Variants in PTDSS1 observed in about 807,000 individuals in gnomAD.
PTDSS1 encodes PSS-1.
PTDSS1 carries 45 observed loss-of-function variants against 70.5 expected under a neutral mutation model. The observed-to-expected ratio is 0.64, with a 90% CI of 0.50 to 0.82. PTDSS1 has a LOEUF of 0.82. Among genes scored for constraint, PTDSS1 ranks in the 40% least tolerant of loss-of-function variants. PTDSS1 has a pLI of 0.00. For synonymous variants in PTDSS1, 188 were observed against 203.8 expected (o/e 0.92, Z 0.66); for missense variants, 417 against 586.1 (o/e 0.71, Z 2.98).
chr8:96,332,372 G>A (rs1811529480), intron 12 of PTDSS1, among the ~76,000 whole-genome samples: 1 of 152,176 alleles, frequency 6.6e-6, no homozygotes, highest in Non-Finnish European at 1.5e-5. Flanking sequence ...GAAACGGTGG[G>A]CCAATGGAGA....
chr8:96,310,166 T>A (rs1586202366), intron 9 of PTDSS1, among the ~76,000 whole-genome samples: 2 of 129,784 alleles, frequency 1.5e-5, no homozygotes, highest in African/African-American at 2.9e-5. Flanking sequence ...AATGGATCTC[T>A]CTCTTTTTTT....
intron 5 of PTDSS1, among the ~76,000 whole-genome samples, chr8:96,298,007 T>C (rs1023441927): frequency 1.3e-5 from 2 of 152,238 alleles, no homozygotes; most frequent in Non-Finnish European, 2.9e-5. Flanking sequence ...GGAAAGTTCC[T>C]TAGGCTGGAG....
intron 12 of PTDSS1, among the ~76,000 whole-genome samples, chr8:96,333,248 A>G (rs977795942): frequency 6.6e-6 from 1 of 152,056 alleles, no homozygotes; most frequent in African/African-American, 2.4e-5. Flanking sequence ...TTGGGGCGCT[A>G]TTGCGTTGAA....
chr8:96,300,973 A>C (rs1811042011), intron 6 of PTDSS1, among the ~76,000 whole-genome samples: 1 of 152,160 alleles, frequency 6.6e-6, no homozygotes, highest in Admixed American at 6.5e-5. Context: ...CTTCATTTTT[A>C]AACCTTTGTC....
chr8:96,289,186 A>G (rs1405489133), intron 4 of PTDSS1, among the ~76,000 whole-genome samples: 7 of 152,152 alleles, frequency 4.6e-5, no homozygotes, highest in Non-Finnish European at 5.9e-5. Context: ...TTGCCCTCCC[A>G]TAGTGCTGGG....
rs982949147 is a variant in PTDSS1, at chr8:96,334,744, C to G, written c.*1178C>G. The G allele has an allele frequency of 6.6e-6, 1 of 152,148 alleles. No homozygotes were observed. The highest frequency in any genetic ancestry group is 6.5e-5 in the Admixed American group (1 of 15,276). The allele number at this position is 152,148 out of a possible 1,614,324, so 9.4% of individuals were successfully genotyped here. The stretch of plus-strand genomic sequence containing the variant: ...CTACTTCTTAGACTACCCAAGTGAC[C>G]AACAGGAATGAACAACATAGTCATT... On this transcript the variant is annotated 3_prime_UTR_variant, in exon 13 of 13. Coordinates refer to ENST00000517309, the MANE Select transcript of PTDSS1 (RefSeq NM_014754.3).
chr8:96,327,794 G>C (rs560011286), intron 10 of PTDSS1, among the ~76,000 whole-genome samples: 18 of 152,250 alleles, frequency 1.2e-4, no homozygotes, highest in African/African-American at 3.9e-4. Flanking sequence ...CAGCCCCGTG[G>C]TCCTGGACAG....
intron 3 of PTDSS1, 98 bp from the exon 4 acceptor site, chr8:96,286,924 G>A (rs1030113803): frequency 6.9e-7 from 1 of 1,447,756 alleles, no homozygotes. Context: ...TGCAATCTTA[G>A]TGTCTGGTTT....
intron 10 of PTDSS1, 103 bp from the exon 11 acceptor site, chr8:96,330,110 C>T (rs541784508): frequency 5.9e-5 from 66 of 1,112,490 alleles, no homozygotes; most frequent in Middle Eastern, 2.0e-4. Context: ...GGCGTCCAGA[C>T]GGCAGAAATG....
intron 9 of PTDSS1, among the ~76,000 whole-genome samples, chr8:96,317,909 G>A (rs10107113): frequency 0.031 from 3,612 of 116,962 alleles, 61 homozygotes; most frequent in Middle Eastern, 0.073. Context: ...GTGTGTGTGT[G>A]TGTGTGTGTG....
intron 4 of PTDSS1, among the ~76,000 whole-genome samples, chr8:96,289,485 C>T (rs1209304567): frequency 2.0e-5 from 3 of 152,150 alleles, no homozygotes; most frequent in Non-Finnish European, 2.9e-5. Context: ...CCCTATTGGT[C>T]AGGAAATTGC....
intron 2 of PTDSS1, among the ~76,000 whole-genome samples, chr8:96,277,535 G>T (rs1267214928): frequency 6.6e-6 from 1 of 152,252 alleles, no homozygotes; most frequent in African/African-American, 2.4e-5. Context: ...TAGTGAAAAT[G>T]AATAGGAAAA....
At chr8:96,310,342 T>C (rs1454443702) in intron 9 of PTDSS1, among the ~76,000 whole-genome samples, 10 of 151,550 alleles carry the variant, frequency 6.6e-5, no homozygotes, top group Admixed American at 2.6e-4. Context: ...GTTTTGTATT[T>C]TCAGTAGAGA....
Position 96,303,163 on chromosome 8 carries a change from C to T in PTDSS1, c.753-877C>T, listed in dbSNP as rs562773214. ...CCATTTTCTTCTCAGTCTTTCTATG[C>T]ACTTTGCTATTTTTACAGTACAAGT... On this transcript the variant is annotated intron_variant, in intron 6 of 12. Transcript: ENST00000517309. 3.3e-5 allele frequency among the ~76,000 whole-genome samples: 5 copies of T among 152,310 alleles called. No individual in the cohort carries two copies. In the South Asian group the frequency reaches 8.3e-4, roughly 25 times the overall value.
chr8:96,306,218 C>T (rs1322260749), intron 7 of PTDSS1, among the ~76,000 whole-genome samples: 1 of 152,192 alleles, frequency 6.6e-6, no homozygotes, highest in Non-Finnish European at 1.5e-5. Flanking sequence ...CCCCTATGTG[C>T]CCATCCACCA....
At chr8:96,273,520 C>T in intron 2 of PTDSS1, 130 bp downstream of exon 2, 3 of 682,004 alleles carry the variant, frequency 4.4e-6, no homozygotes, top group Non-Finnish European at 7.1e-6. Context: ...GGCACAGGCT[C>T]TGGAGGCAGA....
chr8:96,327,463 C>T (rs1000991037), intron 10 of PTDSS1, among the ~76,000 whole-genome samples: 2 of 152,112 alleles, frequency 1.3e-5, no homozygotes, highest in Non-Finnish European at 2.9e-5. Flanking sequence ...AAGGTCCTGG[C>T]ACTTTTTAAA....
intron 1 of PTDSS1, among the ~76,000 whole-genome samples, chr8:96,269,304 A>G (rs1018103618): frequency 1.3e-5 from 2 of 152,148 alleles, no homozygotes; most frequent in South Asian, 4.1e-4. Flanking sequence ...TCAAACAAAG[A>G]TAATATTGGC....
intron 9 of PTDSS1, among the ~76,000 whole-genome samples, chr8:96,313,172 C>T (rs191133420): frequency 6.6e-6 from 1 of 152,304 alleles, no homozygotes; most frequent in Admixed American, 6.5e-5. Context: ...ATGGTATCCT[C>T]AAAATGTTTT....
Sources: gnomAD v4.1 joint callset for allele counts (sites outside exome capture counted in the v4.1 genomes callset) on GRCh38, gnomAD v4.1.1 for gene constraint, MANE v1.5 for transcripts, NCBI Gene and HGNC (gene_info 2026-07-23, HGNC 2026-07-21) for gene names.